The following TRRAP variants were observed in gnomAD, a reference collection of about 807,000 sequenced individuals.
The protein encoded by TRRAP is transformation/transcription domain-associated protein.
TRRAP carries 41 observed loss-of-function variants against 438.8 expected under a neutral mutation model. That is an observed-to-expected ratio of 0.09 (90% CI 0.07 to 0.12). The LOEUF is 0.12. Among genes scored for constraint, TRRAP ranks in the 10% least tolerant of loss-of-function variants. TRRAP has a pLI of 1.00. For synonymous variants in TRRAP, 1,994 were observed against 1,962.9 expected (o/e 1.02, Z -0.42); for missense variants, 3,122 against 5,055.1 (o/e 0.62, Z 11.60).
At position 98,934,964 on chromosome 7, in the gene TRRAP, A is replaced by C. The variant is rs58427215; in HGVS notation, c.4015-615A>C. 3.1e-3 allele frequency among the ~76,000 whole-genome samples: 469 copies of C among 152,276 alleles called. 2 individuals carry two copies. The highest frequency in any genetic ancestry group is 0.011 in the African/African-American group (459 of 41,552). ...TAAGGGGGAAAAATGATATTAGCCT[A>C]TACTAGTTTTCCAGGATGTGAATGA... is the stretch of plus-strand genomic sequence containing the variant. On this transcript the variant is annotated intron_variant, in intron 27 of 72. Transcript: ENST00000456197.
intron 64 of TRRAP, among the ~76,000 whole-genome samples, chr7:98,991,519 C>T (rs958141155): frequency 2.6e-5 from 4 of 152,184 alleles, no homozygotes; most frequent in African/African-American, 9.7e-5. Context: ...ACTTCTGGAG[C>T]ATCTCAGGTT....
intron 21 of TRRAP, among the ~76,000 whole-genome samples, chr7:98,922,957 A>G (rs890975961): frequency 2.6e-5 from 4 of 152,112 alleles, no homozygotes; most frequent in African/African-American, 4.8e-5. Flanking sequence ...GGTACAGATA[A>G]GCGTCACTCT....
intron 53 of TRRAP, among the ~76,000 whole-genome samples, chr7:98,973,659 G>C (rs1369134534): frequency 6.6e-6 from 1 of 152,130 alleles, no homozygotes; most frequent in Non-Finnish European, 1.5e-5. Flanking sequence ...TTGATCTGAG[G>C]CTTCATAGCC....
At chr7:98,923,609 A>G (rs782540827) in intron 21 of TRRAP, among the ~76,000 whole-genome samples, 5 of 152,240 alleles carry the variant, frequency 3.3e-5, no homozygotes, top group African/African-American at 4.8e-5. Flanking sequence ...ACCATTTACA[A>G]CTGCTACTGA....
At chr7:98,989,977 C>T (rs944656993) in intron 63 of TRRAP, among the ~76,000 whole-genome samples, 1 of 152,202 alleles carries the variant, frequency 6.6e-6, no homozygotes, top group East Asian at 1.9e-4. Flanking sequence ...CTTGTAAACC[C>T]AGCACTTTGG....
At chr7:98,967,722 G>T in intron 51 of TRRAP, 24 bp downstream of exon 51, 1 of 1,601,486 alleles carries the variant, frequency 6.2e-7, no homozygotes, top group Non-Finnish European at 8.5e-7. Context: ...GCTCACATCT[G>T]TGGCCGGGGG....
intron 21 of TRRAP, 33 bp from the exon 22 acceptor site, chr7:98,925,079 A>G: frequency 1.3e-6 from 2 of 1,582,262 alleles, no homozygotes; most frequent in Non-Finnish European, 1.7e-6. Context: ...TAATTTCAGC[A>G]CAAACTGTAG....
intron 31 of TRRAP, among the ~76,000 whole-genome samples, chr7:98,944,722 TC>T (rs1366410448): frequency 6.6e-6 from 1 of 152,182 alleles, no homozygotes; most frequent in Admixed American, 6.5e-5. Flanking sequence ...TTTGGTGGAA[TC>T]CCCAAATGAC....
At chr7:99,000,657 C>A (rs192175820) in intron 67 of TRRAP, among the ~76,000 whole-genome samples, 41 of 152,386 alleles carry the variant, frequency 2.7e-4, no homozygotes, top group African/African-American at 9.9e-4. Context: ...GGGCAGGCCG[C>A]AGCCTAGCTC....
rs868965529 is a variant in TRRAP at position 98,899,448 on chromosome 7, T to G, written c.660T>G (p.Leu220=). 3.1e-5 allele frequency: 50 copies of G among 1,614,072 alleles called. 2 individuals carry two copies. In the Middle Eastern group the frequency reaches 6.6e-3, roughly 212 times the overall value. The part of the protein sequence containing the change: ...RTHSIIPRGS[L]SLKVLAELPI... ...ATTCCATCATTCCGAGGGGATCACT[T>G]TCTCTGAAAGTGTTGGCAGAATTGC... is the stretch of plus-strand genomic sequence containing the variant. Residue 220 remains leucine (L), a synonymous_variant, in exon 9 of 73, where the codon CTT becomes CTG. Coordinates refer to ENST00000456197, the MANE Select transcript of TRRAP (RefSeq NM_001375524.1).
At chr7:98,982,068 C>G in intron 59 of TRRAP, 108 bp downstream of exon 59, 1 of 1,143,464 alleles carries the variant, frequency 8.7e-7, no homozygotes, top group Non-Finnish European at 1.2e-6. Context: ...GATGAAACTC[C>G]TTCTGCTTGT....
In TRRAP at chr7:98,931,503, C is replaced by G. The variant is rs977406558; in HGVS notation, c.3690C>G (p.Ile1230Met). 6.2e-6 allele frequency: 10 copies of G among 1,614,104 alleles called. No individual in the cohort carries two copies. The highest frequency in any genetic ancestry group is 5.1e-6 in the Non-Finnish European group (6 of 1,179,986). ...PLKDEERAEE[I>M]VAAQEKSFHH... Reference sequence around the variant, plus strand: ...AAGACGAGGAGAGAGCCGAAGAGATCGTGGCCGCCCAGGAAAAGTCTTTCC... The same window carrying G: ...AAGACGAGGAGAGAGCCGAAGAGATGGTGGCCGCCCAGGAAAAGTCTTTCC... The change falls in exon 26 of 73, where the codon ATC becomes ATG. Residue 1230 changes from isoleucine to methionine, a missense_variant. This residue lies in a region of TRRAP where 153 missense variants were observed against 223.0 expected (regional missense o/e 0.69). Transcript: ENST00000456197.
chr7:98,973,540 G>A (rs1228713086), intron 53 of TRRAP, among the ~76,000 whole-genome samples: 1 of 152,226 alleles, frequency 6.6e-6, no homozygotes, highest in Non-Finnish European at 1.5e-5. Context: ...CACGTCCTCT[G>A]TGGGGCCATG....
At position 99,005,854 on chromosome 7, in the gene TRRAP, G is replaced by A. The variant is rs185378316; in HGVS notation, c.10753+506G>A. ...CTGGAGAGCTGGGGCGTCTCAGTGGGTGCTGCCGGTTTTGCTTCTCCTCCC... is the reference window on the plus strand; with the variant it reads ...CTGGAGAGCTGGGGCGTCTCAGTGGATGCTGCCGGTTTTGCTTCTCCTCCC... On this transcript the variant is annotated intron_variant, in intron 69 of 72. Transcript: ENST00000456197. The surrounding 1 kb of genome is among the most constrained non-coding windows in gnomAD (Gnocchi z 5.1). Among the ~76,000 whole-genome samples, 26 of 152,158 alleles carry A rather than the reference G, an allele frequency of 1.7e-4. 1 individual carries two copies. In the East Asian group the frequency reaches 4.8e-3, roughly 28 times the overall value.
chr7:98,992,245 C>T lies in TRRAP; in HGVS notation c.9847+18C>T. The T allele has an allele frequency of 6.2e-7, 1 of 1,613,284 alleles. No individual in the cohort carries two copies. The highest frequency in any genetic ancestry group is 8.5e-7 in the Non-Finnish European group (1 of 1,179,754). ...CAAGAGCGGTACGTCTCGGGTGGGGCCGGTAGGCCAGGCCGGGAAGGGCTC... is the reference window on the plus strand; with the variant it reads ...CAAGAGCGGTACGTCTCGGGTGGGGTCGGTAGGCCAGGCCGGGAAGGGCTC... On this transcript the variant is annotated intron_variant, in intron 65 of 72. Transcript: ENST00000456197.
chr7:98,968,739 G>C (rs1296220018), intron 51 of TRRAP, among the ~76,000 whole-genome samples: 1 of 152,214 alleles, frequency 6.6e-6, no homozygotes, highest in Non-Finnish European at 1.5e-5. Flanking sequence ...TTGTGGTGCT[G>C]GGTCTCAGGA....
chr7:98,896,275 G>A (rs1467907362), intron 7 of TRRAP, among the ~76,000 whole-genome samples: 1 of 151,844 alleles, frequency 6.6e-6, no homozygotes, highest in East Asian at 1.9e-4. Flanking sequence ...TATAAGCAGT[G>A]CCACAATATA....
At chr7:98,907,052 G>A (rs1416068371) in intron 13 of TRRAP, among the ~76,000 whole-genome samples, 5 of 151,292 alleles carry the variant, frequency 3.3e-5, no homozygotes, top group East Asian at 3.9e-4. Context: ...GGCCAGGCAC[G>A]GTGGCTCACG....
chr7:98,921,912 T>C lies in TRRAP; in HGVS notation c.2782T>C (p.Phe928Leu). The change falls in exon 21 of 73, where the codon TTT becomes CTT. Residue 928 changes from phenylalanine (F) to leucine (L), a missense_variant. By Grantham distance (22) the Phe-to-Leu change is conservative. Transcript: ENST00000456197. Reference protein sequence around the residue: ...EVQGPSITVEFSDCKASLQLP... With the variant: ...EVQGPSITVELSDCKASLQLP... ...TCAGGGCCCCAGCATCACTGTGGAG[T>C]TTTCCGACTGCAAAGCTTCTCTCCA... 1 of 1,614,146 alleles carries C rather than the reference T, an allele frequency of 6.2e-7. No homozygotes were observed. The highest frequency in any genetic ancestry group is 8.5e-7 in the Non-Finnish European group (1 of 1,180,020).
Sources: allele counts gnomAD v4.1 joint callset (sites outside exome capture counted in the v4.1 genomes callset), GRCh38; gene constraint gnomAD v4.1.1; regional missense constraint gnomAD v4.1.1; non-coding constraint Gnocchi (gnomAD v3.1); transcripts MANE v1.5; gene names NCBI Gene and HGNC (gene_info 2026-07-23, HGNC 2026-07-21).